The following PCNX2 variants were observed in gnomAD, a reference collection of about 807,000 sequenced individuals.
The protein encoded by PCNX2 is pecanex-like protein 2.
Under a neutral mutation model 223.8 loss-of-function variants are expected in PCNX2, and 168 were observed. The observed-to-expected ratio is 0.75, with a 90% CI of 0.66 to 0.85. PCNX2 has a LOEUF of 0.85. Among genes scored for constraint, PCNX2 ranks in the 40% least tolerant of loss-of-function variants. The pLI, the probability that PCNX2 is intolerant of heterozygous loss-of-function variation, is 0.00. For synonymous variants in PCNX2, 1,006 were observed against 1,052.6 expected (o/e 0.96, Z 0.86); for missense variants, 2,507 against 2,675.5 (o/e 0.94, Z 1.39).
intron 10 of PCNX2, among the ~76,000 whole-genome samples, chr1:233,219,219 G>C (rs1257776672): frequency 6.6e-6 from 1 of 152,178 alleles, no homozygotes; most frequent in Non-Finnish European, 1.5e-5. Flanking sequence ...AGGTAGAATA[G>C]GGAGGAAACT....
intron 1 of PCNX2, among the ~76,000 whole-genome samples, chr1:233,268,004 C>T (rs11587019): frequency 0.089 from 13,539 of 152,126 alleles, 725 homozygotes; most frequent in South Asian, 0.17. Flanking sequence ...CTCTGCGTCC[C>T]GAGTTGAAGC....
rs1033325 is a variant in PCNX2, at chr1:233,262,967, C to T, written c.350G>A (p.Arg117Lys). The T allele has an allele frequency of 0.33, 533,794 of 1,611,452 alleles. 91,102 individuals are homozygous for T. The highest frequency in any genetic ancestry group is 0.45 in the South Asian group (41,210 of 90,918). ...TAATTGAAAATATTACCTTGGATTT[C>T]TGTGATTAGTTATGTGTTCACCTTT... Reference protein sequence around the residue: ...EAKGEHITNHRNPSNNRQIHN... With the variant: ...EAKGEHITNHKNPSNNRQIHN... The change falls in exon 2 of 34, where the codon AGA becomes AAA. Residue 117 changes from arginine to lysine, a missense_variant. Physicochemically the swap from Arg to Lys is conservative, Grantham distance 26. Around this residue, in one of 3 missense-constraint regions of PCNX2, gnomAD observed 1,031 missense variants for 1,021.7 expected, o/e 1.01. Coordinates refer to ENST00000258229, the MANE Select transcript of PCNX2 (RefSeq NM_014801.4).
intron 15 of PCNX2, among the ~76,000 whole-genome samples, chr1:233,195,032 A>AG (rs1400247507): frequency 6.6e-6 from 1 of 151,808 alleles, no homozygotes; most frequent in East Asian, 1.9e-4. Context: ...AAAAAAAAAA[A>AG]AAATTAGAGA....
At chr1:233,011,698 A>G (rs1553272968) in intron 28 of PCNX2, among the ~76,000 whole-genome samples, 1 of 152,182 alleles carries the variant, frequency 6.6e-6, no homozygotes, top group Non-Finnish European at 1.5e-5. Flanking sequence ...GCAGGTAGAT[A>G]GGAAGGTGAA....
chr1:233,257,148 A>G (rs913600511), intron 5 of PCNX2, among the ~76,000 whole-genome samples: 1 of 152,212 alleles, frequency 6.6e-6, no homozygotes, highest in African/African-American at 2.4e-5. Flanking sequence ...GTAACCTGAA[A>G]ATAAATGTAC....
At chr1:233,276,998 A>G (rs181816134) in intron 1 of PCNX2, among the ~76,000 whole-genome samples, 2 of 152,362 alleles carry the variant, frequency 1.3e-5, no homozygotes, top group East Asian at 3.9e-4. Flanking sequence ...TAATCCTTCA[A>G]GGAACTGGTA....
intron 26 of PCNX2, among the ~76,000 whole-genome samples, chr1:233,017,575 C>T (rs894382755): frequency 5.3e-5 from 8 of 151,976 alleles, no homozygotes; most frequent in Admixed American, 2.0e-4. Flanking sequence ...CTTGGCCTCC[C>T]AAAGTGCTGG....
At chr1:233,246,642 G>A (rs535460092) in intron 8 of PCNX2, among the ~76,000 whole-genome samples, 96 of 152,252 alleles carry the variant, frequency 6.3e-4, no homozygotes, top group Middle Eastern at 6.8e-3. Context: ...TCAGGGCCAC[G>A]AACTGCCATA....
intron 1 of PCNX2, among the ~76,000 whole-genome samples, chr1:233,293,382 A>G (rs1280750647): frequency 6.6e-6 from 1 of 152,242 alleles, no homozygotes; most frequent in African/African-American, 2.4e-5. Context: ...TACCAAATGC[A>G]GAGCACTCTG....
intron 25 of PCNX2, among the ~76,000 whole-genome samples, chr1:233,043,902 T>C (rs952555150): frequency 2.0e-5 from 3 of 151,716 alleles, no homozygotes; most frequent in Non-Finnish European, 4.4e-5. Context: ...GCATGATTTA[T>C]AGTCCTTTGG....
Position 233,154,931 on chromosome 1 carries a change from T to G in PCNX2, c.3517+5352A>C, listed in dbSNP as rs942904777. Among the ~76,000 whole-genome samples the G allele has an allele frequency of 3.9e-5, 6 of 152,054 alleles. No homozygotes were observed. In the South Asian group the frequency reaches 1.2e-3, roughly 32 times the overall value. Reference sequence around the variant, plus strand: ...TAAAAGTACAAAAATTAGCAGGGTATAGTAGCACACACCTGTAATTCCAGC... The same window carrying G: ...TAAAAGTACAAAAATTAGCAGGGTAGAGTAGCACACACCTGTAATTCCAGC... On this transcript the variant is annotated intron_variant, in intron 19 of 33. Transcript: ENST00000258229.
At chr1:233,224,627 T>C (rs1657587122) in intron 10 of PCNX2, among the ~76,000 whole-genome samples, 1 of 152,188 alleles carries the variant, frequency 6.6e-6, no homozygotes, top group African/African-American at 2.4e-5. Context: ...TATGCTCTCC[T>C]TGCAAAGGTC....
intron 25 of PCNX2, among the ~76,000 whole-genome samples, chr1:233,027,579 T>C (rs1671125618): frequency 6.6e-6 from 1 of 152,202 alleles, no homozygotes. Context: ...ATTTTCTTCC[T>C]TTTACTTGCT....
intron 20 of PCNX2, among the ~76,000 whole-genome samples, chr1:233,135,596 A>G (rs1336091963): frequency 6.6e-6 from 1 of 152,242 alleles, no homozygotes; most frequent in Non-Finnish European, 1.5e-5. Flanking sequence ...TCCTAATGCC[A>G]AATGAGAAAA....
At chr1:233,218,364 T>C (rs981458176) in intron 10 of PCNX2, among the ~76,000 whole-genome samples, 180 bp from the exon 11 acceptor site, 9 of 149,148 alleles carry the variant, frequency 6.0e-5, no homozygotes, top group African/African-American at 2.2e-4. Flanking sequence ...TCCTCCTGCC[T>C]CAGCCTCCGG....
chr1:233,166,108 C>T (rs1273552430), intron 17 of PCNX2, among the ~76,000 whole-genome samples: 2 of 151,962 alleles, frequency 1.3e-5, no homozygotes, highest in African/African-American at 4.8e-5. Context: ...GGTGAAATGA[C>T]AAATCCCCTA....
intron 21 of PCNX2, among the ~76,000 whole-genome samples, chr1:233,131,556 T>C (rs1676509467): frequency 6.6e-6 from 1 of 152,196 alleles, no homozygotes; most frequent in Non-Finnish European, 1.5e-5. Context: ...TCTTTCACTA[T>C]ATTCTTTTTC....
At chr1:233,197,019 G>C (rs1236333340) in intron 15 of PCNX2, among the ~76,000 whole-genome samples, 2 of 152,076 alleles carry the variant, frequency 1.3e-5, no homozygotes, top group East Asian at 3.9e-4. Flanking sequence ...GAAATTAGTG[G>C]ATTTTATTGT....
intron 5 of PCNX2, among the ~76,000 whole-genome samples, chr1:233,255,924 A>T (rs1259507701): frequency 6.6e-6 from 1 of 152,236 alleles, no homozygotes; most frequent in Non-Finnish European, 1.5e-5. Context: ...ACATGGCATC[A>T]CTGAAAAACC....
Sources: gnomAD v4.1 joint callset for allele counts (sites outside exome capture counted in the v4.1 genomes callset) on GRCh38, gnomAD v4.1.1 for gene constraint, gnomAD v4.1.1 regional missense constraint, MANE v1.5 for transcripts, NCBI Gene and HGNC (gene_info 2026-07-23, HGNC 2026-07-21) for gene names.